FCER1G: variants seen among roughly 807,000 people sequenced by gnomAD.
The protein encoded by FCER1G is high affinity immunoglobulin epsilon receptor subunit gamma.
A neutral mutation model predicts 17.3 loss-of-function variants in FCER1G; 7 were observed. The ratio of observed to expected loss-of-function variants is 0.40; its 90% CI spans 0.23 to 0.76. The LOEUF is 0.76. Among genes scored for constraint, FCER1G ranks in the 30% least tolerant of loss-of-function variants. The probability of loss-of-function intolerance (pLI) is 0.35; values close to 1 mark genes in which losing one functional copy is unlikely to be tolerated. For missense variants in FCER1G, 87 were observed against 97.7 expected (o/e 0.89, Z 0.46); for synonymous variants, 35 against 38.7 (o/e 0.90, Z 0.35).
Position 161,218,066 on chromosome 1 carries a change from T to C in FCER1G, c.130T>C (p.Cys44Arg). 1 of 1,612,494 alleles carries C rather than the reference T, an allele frequency of 6.2e-7. No homozygotes were observed. Among genetic ancestry groups the C allele is most frequent in the Non-Finnish European group, 8.5e-7 (1 of 1,178,600 alleles). ...LYGIVLTLLY[C>R]RLKIQVRKAA... Reference sequence around the variant, plus strand: ...TGGAATTGTCCTCACCCTCCTCTACTGTCGACTGAAGGTAGCGCTGGGCAG... The same window carrying C: ...TGGAATTGTCCTCACCCTCCTCTACCGTCGACTGAAGGTAGCGCTGGGCAG... Residue 44 changes from cysteine to arginine, a missense_variant, in exon 2 of 5, where the codon TGT (cysteine) becomes CGT (arginine). Coordinates refer to ENST00000289902, the MANE Select transcript of FCER1G (RefSeq NM_004106.2).
intron 1 of FCER1G, among the ~76,000 whole-genome samples, chr1:161,215,732 A>G (rs1458969083): frequency 1.3e-5 from 2 of 152,012 alleles, no homozygotes; most frequent in Non-Finnish European, 2.9e-5. Flanking sequence ...AGCTGGGACT[A>G]CAGGTGCCCG....
chr1:161,217,981 C>A lies in FCER1G; in HGVS notation c.50-5C>A. On this transcript the variant is annotated splice_region_variant and splice_polypyrimidine_tract_variant and intron_variant, in intron 1 of 4. Coordinates refer to ENST00000289902, the MANE Select transcript of FCER1G (RefSeq NM_004106.2). The stretch of plus-strand genomic sequence containing the variant: ...CGACCCCATGGGCATCCTCTATCCC[C>A]TCAGCGGCCCTGGGAGAGCCTCAGC... 1.2e-6 allele frequency: 2 copies of A among 1,608,918 alleles called. No individual in the cohort carries two copies. Among genetic ancestry groups the A allele is most frequent in the Non-Finnish European group, 8.5e-7 (1 of 1,175,296 alleles).
chr1:161,216,333 C>T (rs999426157), intron 1 of FCER1G, among the ~76,000 whole-genome samples: 13 of 148,232 alleles, frequency 8.8e-5, no homozygotes, highest in African/African-American at 3.2e-4. Context: ...AAAGATTTTA[C>T]ATATATATCT....
chr1:161,216,361 T>TACACACACACAC (rs1218847328), intron 1 of FCER1G, among the ~76,000 whole-genome samples: 83 of 137,538 alleles, frequency 6.0e-4, no homozygotes, highest in African/African-American at 2.1e-3. Flanking sequence ...TCTATCTATA[T>TACACACACACAC]ACACACACAC....
intron 3 of FCER1G, 95 bp from the exon 4 acceptor site, chr1:161,218,608 C>A: frequency 2.2e-6 from 3 of 1,353,122 alleles, no homozygotes; most frequent in Non-Finnish European, 2.1e-6. Context: ...AGGTGGCTGG[C>A]TGCCCACCCC....
At chr1:161,218,143 C>A in intron 2 of FCER1G, 66 bp downstream of exon 2, 1 of 1,533,066 alleles carries the variant, frequency 6.5e-7, no homozygotes, top group Non-Finnish European at 9.0e-7. Context: ...AGCAAGGATT[C>A]GAAGAGAAGG....
chr1:161,219,048 C>A lies in FCER1G; in HGVS notation c.*105C>A, dbSNP rs896569455. The A allele has an allele frequency of 3.7e-6, 3 of 806,996 alleles. No homozygotes were observed. Among genetic ancestry groups the A allele is most frequent in the Non-Finnish European group, 6.4e-6 (3 of 465,786 alleles). 50.0% of individuals were successfully genotyped at this position (806,996 alleles called of 1,614,324 possible). A position where few individuals can be genotyped will look rare whatever the true frequency, so the allele number is the denominator to read the frequency against. On this transcript the variant is annotated 3_prime_UTR_variant, in exon 5 of 5. Transcript: ENST00000289902. ...TGCCATTAACACCAGCTGGCCCTAC[C>A]CCTATAATGATCCTGTGTCCTAAAT...
chr1:161,215,916 G>A (rs1666029742), intron 1 of FCER1G, among the ~76,000 whole-genome samples: 1 of 151,846 alleles, frequency 6.6e-6, no homozygotes, highest in African/African-American at 2.4e-5. Flanking sequence ...AAAAAGACAG[G>A]GTCTTACTAT....
Position 161,215,302 on chromosome 1 carries a change from C to A in FCER1G, c.-20C>A. The A allele has an allele frequency of 1.9e-6, 3 of 1,612,946 alleles. No individual in the cohort carries two copies. The highest frequency in any genetic ancestry group is 2.5e-6 in the Non-Finnish European group (3 of 1,179,098). The stretch of plus-strand genomic sequence containing the variant: ...GCACAGCTGCACAGTGCTGTCAGAA[C>A]GGCCGATCTCCAGCCCAAGATGATT... On this transcript the variant is annotated 5_prime_UTR_variant, in exon 1 of 5. Coordinates refer to ENST00000289902, the MANE Select transcript of FCER1G (RefSeq NM_004106.2).
chr1:161,219,084 C>T lies in FCER1G; in HGVS notation c.*141C>T, dbSNP rs1666110785. The T allele has an allele frequency of 7.7e-6, 5 of 651,832 alleles. No individual in the cohort carries two copies. The highest frequency in any genetic ancestry group is 1.4e-5 in the Non-Finnish European group (5 of 359,230). The allele number at this position is 651,832 out of a possible 1,614,324, so 40.4% of individuals were successfully genotyped here. Reference sequence around the variant, plus strand: ...TCCTGTGTCCTAAATTAATATACACCAGTGGTTCCTCCTCCCTGTTAAAGA... The same window carrying T: ...TCCTGTGTCCTAAATTAATATACACTAGTGGTTCCTCCTCCCTGTTAAAGA... On this transcript the variant is annotated 3_prime_UTR_variant, in exon 5 of 5. Coordinates refer to ENST00000289902, the MANE Select transcript of FCER1G (RefSeq NM_004106.2).
Position 161,219,084 on chromosome 1 carries a change from C to G in FCER1G, c.*141C>G. 1.5e-6 allele frequency: 1 copy of G among 651,950 alleles called. No homozygotes were observed. The highest frequency in any genetic ancestry group is 2.8e-6 in the Non-Finnish European group (1 of 359,222). The allele number at this position is 651,950 out of a possible 1,614,324, so 40.4% of individuals were successfully genotyped here. A position where few individuals can be genotyped will look rare whatever the true frequency, so the allele number is the denominator to read the frequency against. On this transcript the variant is annotated 3_prime_UTR_variant, in exon 5 of 5. Coordinates refer to ENST00000289902, the MANE Select transcript of FCER1G (RefSeq NM_004106.2). ...TCCTGTGTCCTAAATTAATATACAC[C>G]AGTGGTTCCTCCTCCCTGTTAAAGA...
At chr1:161,216,585 G>A (rs147279125) in intron 1 of FCER1G, among the ~76,000 whole-genome samples, 3 of 152,222 alleles carry the variant, frequency 2.0e-5, no homozygotes, top group Non-Finnish European at 4.4e-5. Context: ...GATAATGAGG[G>A]TGGGCAGCAT....
chr1:161,215,396 G>C (rs372924282), intron 1 of FCER1G, 26 bp downstream of exon 1: 7 of 1,607,190 alleles, frequency 4.4e-6, no homozygotes, highest in Non-Finnish European at 6.0e-6. Flanking sequence ...GAGGGATAGC[G>C]TGAGCTGGCT....
At position 161,219,002 on chromosome 1, in the gene FCER1G, T is replaced by C; in HGVS notation, c.*59T>C. On this transcript the variant is annotated 3_prime_UTR_variant, in exon 5 of 5. Coordinates refer to ENST00000289902, the MANE Select transcript of FCER1G (RefSeq NM_004106.2). ...CTTCTGGTTCTTCCAGCCCTCATGG[T>C]TGGCATCACATATGCCTGCATGCCA... 1 of 1,373,102 alleles carries C rather than the reference T, an allele frequency of 7.3e-7. No homozygotes were observed. The highest frequency in any genetic ancestry group is 1.0e-6 in the Non-Finnish European group (1 of 960,368). 85.1% of individuals were successfully genotyped at this position (1,373,102 alleles called of 1,614,324 possible).
chr1:161,216,427 T>TAG (rs543686283), intron 1 of FCER1G, among the ~76,000 whole-genome samples: 5,962 of 135,802 alleles, frequency 0.044, 154 homozygotes, highest in Middle Eastern at 0.11. Flanking sequence ...TATATATATA[T>TAG]AGAGAGAGAG....
At chr1:161,216,856 G>A (rs981033129) in intron 1 of FCER1G, among the ~76,000 whole-genome samples, 3 of 152,176 alleles carry the variant, frequency 2.0e-5, no homozygotes, top group Non-Finnish European at 4.4e-5. Flanking sequence ...GAGAAGGTGG[G>A]AGCAAGTATT....
At chr1:161,218,832 G>A (rs777095733) in intron 4 of FCER1G, 49 bp from the exon 5 acceptor site, 95 of 1,581,456 alleles carry the variant, frequency 6.0e-5, no homozygotes, top group Non-Finnish European at 7.9e-5. Flanking sequence ...GGTGGGAGGG[G>A]CCTCTGATGG....
intron 3 of FCER1G, 39 bp from the exon 4 acceptor site, chr1:161,218,664 G>A (rs1666099653): frequency 1.2e-6 from 2 of 1,613,246 alleles, no homozygotes; most frequent in African/African-American, 2.7e-5. Context: ...CCTGGAGAAA[G>A]TGTGGGTCTT....
chr1:161,219,032 C>A lies in FCER1G; in HGVS notation c.*89C>A. The A allele has an allele frequency of 1.1e-6, 1 of 947,614 alleles. No homozygotes were observed. The highest frequency in any genetic ancestry group is 1.7e-6 in the Non-Finnish European group (1 of 578,884). 58.7% of individuals were successfully genotyped at this position (947,614 alleles called of 1,614,324 possible). On this transcript the variant is annotated 3_prime_UTR_variant, in exon 5 of 5. Transcript: ENST00000289902. ...ATCACATATGCCTGCATGCCATTAACACCAGCTGGCCCTACCCCTATAATG... is the reference window on the plus strand; with the variant it reads ...ATCACATATGCCTGCATGCCATTAAAACCAGCTGGCCCTACCCCTATAATG...
Sources: gnomAD v4.1 joint callset for allele counts (sites outside exome capture counted in the v4.1 genomes callset) on GRCh38, gnomAD v4.1.1 for gene constraint, MANE v1.5 for transcripts, NCBI Gene and HGNC (gene_info 2026-07-23, HGNC 2026-07-21) for gene names.